Variants in ABHD17B observed in about 807,000 individuals in gnomAD.
ABHD17B encodes the protein abhydrolase domain containing 17B, depalmitoylase, also known as alpha/beta hydrolase domain-containing protein 17B.
ABHD17B carries 9 observed loss-of-function variants against 26.2 expected under a neutral mutation model. That is an observed-to-expected ratio of 0.34 (90% CI 0.21 to 0.60). The LOEUF is 0.60. ABHD17B is among the 20% of genes least tolerant of loss of function. The pLI is 0.80. For synonymous variants in ABHD17B, 127 were observed against 122.3 expected (o/e 1.04, Z -0.25); for missense variants, 224 against 352.1 (o/e 0.64, Z 2.91).
At chr9:71,891,899 C>A (rs1399187077) in intron 1 of ABHD17B, among the ~76,000 whole-genome samples, 2 of 152,114 alleles carry the variant, frequency 1.3e-5, no homozygotes, top group Non-Finnish European at 2.9e-5. Flanking sequence ...AAAATTTTAC[C>A]CAGTAAATTC....
Position 71,865,198 on chromosome 9 carries a change from C to T in ABHD17B, c.*1589G>A. 1.0e-6 allele frequency: 1 copy of T among 985,402 alleles called. No individual in the cohort carries two copies. Among genetic ancestry groups the T allele is most frequent in the Non-Finnish European group, 1.2e-6 (1 of 829,892 alleles). 61.0% of individuals were successfully genotyped at this position (985,402 alleles called of 1,614,324 possible). A position where few individuals can be genotyped will look rare whatever the true frequency, so the allele number is the denominator to read the frequency against. On this transcript the variant is annotated 3_prime_UTR_variant, in exon 4 of 4. Transcript: ENST00000333421. ...TACTGTTAATTTGACACATCTGAAC[C>T]AAAGCATTCACAATACTTGATATAC...
chr9:71,869,966 G>T, intron 3 of ABHD17B, 117 bp downstream of exon 3: 1 of 940,830 alleles, frequency 1.1e-6, no homozygotes, highest in Non-Finnish European at 1.6e-6. Flanking sequence ...TAATTTCTAT[G>T]TGCTAATATA....
At chr9:71,875,559 G>A (rs1826248376) in intron 1 of ABHD17B, among the ~76,000 whole-genome samples, 1 of 152,086 alleles carries the variant, frequency 6.6e-6, no homozygotes, top group Non-Finnish European at 1.5e-5. Flanking sequence ...TTAAATCCTG[G>A]GGTGAGGCAA....
chr9:71,869,962 C>A (rs1472592811), intron 3 of ABHD17B, 121 bp downstream of exon 3: 11 of 894,718 alleles, frequency 1.2e-5, no homozygotes, highest in Non-Finnish European at 1.8e-5. Flanking sequence ...TTCATAATTT[C>A]TATGTGCTAA....
intron 1 of ABHD17B, among the ~76,000 whole-genome samples, chr9:71,909,461 C>A (rs1214273946): frequency 6.6e-6 from 1 of 152,188 alleles, no homozygotes; most frequent in African/African-American, 2.4e-5. Flanking sequence ...TGTCACCCAA[C>A]TGAAATTCAT....
intron 1 of ABHD17B, among the ~76,000 whole-genome samples, chr9:71,891,718 G>A (rs1488072746): frequency 1.3e-5 from 2 of 152,158 alleles, no homozygotes; most frequent in Non-Finnish European, 2.9e-5. Context: ...GTCAGTGTCA[G>A]TCTGTCTCTC....
intron 1 of ABHD17B, among the ~76,000 whole-genome samples, chr9:71,909,617 G>A (rs955039830): frequency 6.6e-6 from 1 of 152,016 alleles, no homozygotes; most frequent in African/African-American, 2.4e-5. Context: ...TCATATGTTG[G>A]CACAAGATCT....
At chr9:71,865,136 G>A, downstream of ABHD17B, 3 of 984,652 alleles carry the variant, frequency 3.0e-6, no homozygotes, top group Non-Finnish European at 3.6e-6. Context: ...CATGGAAAAA[G>A]GCAAATAAGC....
chr9:71,862,518 T>C (rs1284984075), downstream of ABHD17B: 3 of 1,547,650 alleles, frequency 1.9e-6, no homozygotes, highest in Non-Finnish European at 2.6e-6. Flanking sequence ...CCAGTTAAGT[T>C]TGGTAAAGAG....
intron 1 of ABHD17B, among the ~76,000 whole-genome samples, chr9:71,888,723 A>G (rs752864423): frequency 2.6e-5 from 4 of 152,200 alleles, no homozygotes; most frequent in Non-Finnish European, 5.9e-5. Context: ...AAAACCATTT[A>G]CAGGTCAATA....
chr9:71,880,075 A>G (rs1826395227), intron 1 of ABHD17B, among the ~76,000 whole-genome samples: 2 of 152,222 alleles, frequency 1.3e-5, no homozygotes, highest in Non-Finnish European at 2.9e-5. Context: ...ATCATGTGTC[A>G]ATAAATAACC....
chr9:71,864,701 C>G (rs1415588129), downstream of ABHD17B, among the ~76,000 whole-genome samples: 2 of 152,160 alleles, frequency 1.3e-5, no homozygotes, highest in Non-Finnish European at 2.9e-5. Flanking sequence ...ATGTTCCCCT[C>G]CCAAAAGTAC....
Position 71,870,207 on chromosome 9 carries a change from G to A in ABHD17B, c.523C>T (p.Pro175Ser). 2 of 1,613,926 alleles carry A rather than the reference G, an allele frequency of 1.2e-6. No individual in the cohort carries two copies. The highest frequency in any genetic ancestry group is 1.7e-6 in the Non-Finnish European group (2 of 1,179,954). ...TATCGAGCAGCAAGATCCACAGACG[G>A]TACTGTCCCTATACTTTGGCCATAT... ...IIYGQSIGTV[P>S]SVDLAARYES... The change falls in exon 3 of 4, where the codon CCG (proline) becomes TCG (serine). Residue 175 changes from proline (P) to serine (S), a missense_variant. Physicochemically the swap from Pro to Ser is moderately conservative, Grantham distance 74. Transcript: ENST00000333421.
chr9:71,889,925 A>T (rs7023055), intron 1 of ABHD17B, among the ~76,000 whole-genome samples: 248 of 152,038 alleles, frequency 1.6e-3, no homozygotes, highest in African/African-American at 5.0e-3. Flanking sequence ...CTCATTTTTT[A>T]AAAAAATCCA....
chr9:71,906,819 C>CAAA (rs71353541), intron 1 of ABHD17B, among the ~76,000 whole-genome samples: 18 of 148,236 alleles, frequency 1.2e-4, no homozygotes, highest in African/African-American at 4.2e-4. Flanking sequence ...AACAAACAAA[C>CAAA]AAAAAAAAAA....
At chr9:71,910,167 T>C (rs894189725) in intron 1 of ABHD17B, among the ~76,000 whole-genome samples, 1 of 151,914 alleles carries the variant, frequency 6.6e-6, no homozygotes, top group African/African-American at 2.4e-5. Context: ...CCGACAGAGA[T>C]ATAAGGACAT....
At chr9:71,905,897 A>G (rs928975645) in intron 1 of ABHD17B, among the ~76,000 whole-genome samples, 3 of 151,982 alleles carry the variant, frequency 2.0e-5, no homozygotes, top group Non-Finnish European at 2.9e-5. Context: ...AAATACAAAA[A>G]TTAGCTGGGT....
chr9:71,901,241 T>G (rs11143030), intron 1 of ABHD17B, among the ~76,000 whole-genome samples: 3 of 152,060 alleles, frequency 2.0e-5, no homozygotes, highest in African/African-American at 7.2e-5. Flanking sequence ...TTTTTGTTTG[T>G]TTTTTGTTTT....
At chr9:71,892,669 G>A (rs1826824124) in intron 1 of ABHD17B, among the ~76,000 whole-genome samples, 1 of 151,210 alleles carries the variant, frequency 6.6e-6, no homozygotes, top group African/African-American at 2.4e-5. Context: ...GGGAAGGCAG[G>A]TGATAAGGTG....
Sources: gnomAD v4.1 joint callset for allele counts (sites outside exome capture counted in the v4.1 genomes callset) on GRCh38, gnomAD v4.1.1 for gene constraint, MANE v1.5 for transcripts, NCBI Gene and HGNC (gene_info 2026-07-23, HGNC 2026-07-21) for gene names.